The following PDE9A variants were observed in gnomAD, a reference collection of about 807,000 sequenced individuals.
The protein encoded by PDE9A is phosphodiesterase 9A.
A neutral mutation model predicts 87.4 loss-of-function variants in PDE9A; 60 were observed. That is an observed-to-expected ratio of 0.69 (90% CI 0.56 to 0.85). The LOEUF (loss-of-function observed/expected upper bound fraction) is 0.85. PDE9A is among the 40% of genes least tolerant of loss of function. The probability of loss-of-function intolerance (pLI) is 0.00; values close to 1 mark genes in which losing one functional copy is unlikely to be tolerated. For synonymous variants in PDE9A, 272 were observed against 279.4 expected (o/e 0.97, Z 0.27); for missense variants, 665 against 779.0 (o/e 0.85, Z 1.74).
rs60925435 is a variant in PDE9A at position 42,742,457 on chromosome 21, C to CTTTT, written c.569-1296_569-1293dup. Among the ~76,000 whole-genome samples the CTTTT allele has an allele frequency of 2.0e-4, 14 of 71,524 alleles. 1 individual carries two copies. Among genetic ancestry groups the CTTTT allele is most frequent in the Non-Finnish European group, 3.1e-4 (12 of 39,304 alleles). The allele number at this position is 71,524 out of a possible 152,430, so 46.9% of individuals were successfully genotyped here. ...AATCATAGGGAGTTGAAGCTGTCTG[C>CTTTT]TTTTTTTTTTTTTTTTTTTTTTTTT... is the stretch of plus-strand genomic sequence containing the variant. On this transcript the variant is annotated intron_variant, in intron 7 of 19. Transcript: ENST00000291539.
Position 42,760,513 on chromosome 21 carries a change from T to G in PDE9A, c.1002+81T>G. On this transcript the variant is annotated intron_variant, in intron 12 of 19. Transcript: ENST00000291539. The surrounding 1 kb of genome is among the most constrained non-coding windows in gnomAD (Gnocchi z 5.2). The stretch of plus-strand genomic sequence containing the variant: ...CCCCTTCCAGGGAGCGGCAGCCCCA[T>G]CCCACCAAGAGAGCCACAGGCGTGG... 2 of 869,868 alleles carry G rather than the reference T, an allele frequency of 2.3e-6. No individual in the cohort carries two copies. The highest frequency in any genetic ancestry group is 4.4e-5 in the Admixed American group (2 of 45,748). 53.9% of individuals were successfully genotyped at this position (869,868 alleles called of 1,614,324 possible).
At chr21:42,710,240 T>G (rs1317549069) in intron 4 of PDE9A, among the ~76,000 whole-genome samples, 3 of 151,844 alleles carry the variant, frequency 2.0e-5, no homozygotes, top group Non-Finnish European at 2.9e-5. Context: ...AAACCCCATC[T>G]CTACAAAAAG....
intron 17 of PDE9A, among the ~76,000 whole-genome samples, 159 bp downstream of exon 17, chr21:42,769,314 CACATAT>C (rs1205559103): frequency 2.0e-5 from 3 of 150,702 alleles, no homozygotes; most frequent in Non-Finnish European, 4.4e-5. Context: ...CAGGCACATA[CACATAT>C]ACACACACGC....
intron 16 of PDE9A, chr21:42,768,809 CCTAT>C (rs1289257941): frequency 1.0e-6 from 1 of 985,362 alleles, no homozygotes; most frequent in Non-Finnish European, 1.2e-6. Context: ...CTCACCTCTG[CCTAT>C]CTCTCAGGTC....
chr21:42,753,602 C>T (rs1244600014), intron 9 of PDE9A, among the ~76,000 whole-genome samples: 1 of 151,968 alleles, frequency 6.6e-6, no homozygotes, highest in African/African-American at 2.4e-5. Context: ...GTGGCTCACA[C>T]CTGTAATCCC....
chr21:42,748,349 C>G (rs1298696624), intron 8 of PDE9A, among the ~76,000 whole-genome samples: 1 of 152,166 alleles, frequency 6.6e-6, no homozygotes, highest in African/African-American at 2.4e-5. Flanking sequence ...TTTGCTGAAT[C>G]TGTTAGCGTT....
chr21:42,729,487 G>A (rs1569211135), intron 4 of PDE9A, among the ~76,000 whole-genome samples: 1 of 152,006 alleles, frequency 6.6e-6, no homozygotes, highest in Non-Finnish European at 1.5e-5. Flanking sequence ...TCTGTTACCG[G>A]GATTTCTATT....
intron 7 of PDE9A, among the ~76,000 whole-genome samples, chr21:42,742,519 A>G (rs921010165): frequency 1.5e-5 from 2 of 135,404 alleles, no homozygotes; most frequent in African/African-American, 5.7e-5. Flanking sequence ...AGGCCAGAGT[A>G]CAGTGGCGTG....
At chr21:42,753,870 AAAAAAAAAG>A (rs2054700989) in intron 9 of PDE9A, 111 bp from the exon 10 acceptor site, 4 of 600,122 alleles carry the variant, frequency 6.7e-6, no homozygotes, top group African/African-American at 5.8e-5. Context: ...TCAAAAAAAA[AAAAAAAAAG>A]AAAGAAAGAA....
At chr21:42,738,212 G>A (rs1014198118) in intron 7 of PDE9A, among the ~76,000 whole-genome samples, 12 of 152,194 alleles carry the variant, frequency 7.9e-5, no homozygotes, top group African/African-American at 1.9e-4. Flanking sequence ...GGAGCTGACC[G>A]GCTGGGGCAA....
intron 4 of PDE9A, among the ~76,000 whole-genome samples, chr21:42,709,818 A>G (rs908168712): frequency 3.9e-5 from 6 of 152,134 alleles, no homozygotes; most frequent in African/African-American, 1.4e-4. Context: ...GAGTAGAGAC[A>G]TGTTGCCCAC....
chr21:42,662,543 A>C (rs544458191), intron 1 of PDE9A, among the ~76,000 whole-genome samples: 19 of 147,764 alleles, frequency 1.3e-4, no homozygotes, highest in Admixed American at 3.4e-4. Flanking sequence ...ACACACGTAC[A>C]CACCATGCAC....
chr21:42,698,933 A>G (rs1460126567), intron 3 of PDE9A, 35 bp from the exon 4 acceptor site: 2 of 1,566,190 alleles, frequency 1.3e-6, no homozygotes, highest in South Asian at 2.3e-5. Flanking sequence ...AGCGCCTTGC[A>G]GAGTCTCACA....
chr21:42,715,351 G>T (rs1213037946), intron 4 of PDE9A, among the ~76,000 whole-genome samples: 2 of 152,102 alleles, frequency 1.3e-5, no homozygotes, highest in Non-Finnish European at 2.9e-5. Context: ...TTACAGCCGG[G>T]CGCACTGGCT....
At chr21:42,755,392 C>T (rs1402396517) in intron 10 of PDE9A, among the ~76,000 whole-genome samples, 1 of 152,212 alleles carries the variant, frequency 6.6e-6, no homozygotes. Flanking sequence ...GCTCCAGCCT[C>T]CACTCCCCAG....
chr21:42,769,347 GCA>G (rs1048576315), intron 17 of PDE9A, among the ~76,000 whole-genome samples, 192 bp downstream of exon 17: 114 of 148,458 alleles, frequency 7.7e-4, no homozygotes, highest in African/African-American at 2.1e-3. Flanking sequence ...CTACACACAG[GCA>G]CACACACAGG....
chr21:42,753,995 G>C lies in PDE9A; in HGVS notation c.741G>C (p.Leu247=). 1 of 1,610,262 alleles carries C rather than the reference G, an allele frequency of 6.2e-7. No individual in the cohort carries two copies. The highest frequency in any genetic ancestry group is 8.5e-7 in the Non-Finnish European group (1 of 1,176,978). Residue 247 remains leucine (L), a synonymous_variant, in exon 10 of 20, where the codon CTG becomes CTC. Coordinates refer to ENST00000291539, the MANE Select transcript of PDE9A (RefSeq NM_002606.3). The part of the protein sequence containing the change: ...RRDVPTYPKY[L]LSPETIEALR... ...GGAACTCCTGTCCTTTCTAGTACCTGCTCTCTCCAGAGACCATCGAGGCCC... is the reference window on the plus strand; with the variant it reads ...GGAACTCCTGTCCTTTCTAGTACCTCCTCTCTCCAGAGACCATCGAGGCCC...
At chr21:42,707,170 T>C (rs1358591033) in intron 4 of PDE9A, among the ~76,000 whole-genome samples, 2 of 152,210 alleles carry the variant, frequency 1.3e-5, no homozygotes, top group East Asian at 3.8e-4. Context: ...TTAAATGAGA[T>C]ATTAAAAATT....
Position 42,687,945 on chromosome 21 carries a change from G to A in PDE9A, c.169G>A (p.Asp57Asn), listed in dbSNP as rs759842635. 17 of 1,612,994 alleles carry A rather than the reference G, an allele frequency of 1.1e-5. No individual in the cohort carries two copies. The highest frequency in any genetic ancestry group is 2.2e-5 in the East Asian group (1 of 44,896). ...RNTTISLLTT[D>N]DAMVSIDPTM... The stretch of plus-strand genomic sequence containing the variant: ...CACGACCATCTCCCTGCTGACCACC[G>A]ACGACGCCATGGTCTCCATCGACCC... Residue 57 changes from aspartate to asparagine, a missense_variant, in exon 3 of 20, where the codon GAC (aspartate) becomes AAC (asparagine). Transcript: ENST00000291539.
Sources: allele counts gnomAD v4.1 joint callset (sites outside exome capture counted in the v4.1 genomes callset), GRCh38; gene constraint gnomAD v4.1.1; non-coding constraint Gnocchi (gnomAD v3.1); transcripts MANE v1.5; gene names NCBI Gene and HGNC (gene_info 2026-07-23, HGNC 2026-07-21).